The following ASPSCR1 variants were observed in gnomAD, a reference collection of about 807,000 sequenced individuals.
The protein encoded by ASPSCR1 is ASPSCR1 tether for SLC2A4, UBX domain containing.
ASPSCR1 carries 55 observed loss-of-function variants against 68.9 expected under a neutral mutation model. The observed-to-expected ratio is 0.80, with a 90% CI of 0.64 to 1.00. The LOEUF (loss-of-function observed/expected upper bound fraction) is 1.00. ASPSCR1 is among the 50% of genes least tolerant of loss of function. The pLI is 0.00. For missense variants in ASPSCR1, 765 were observed against 762.2 expected (o/e 1.00, Z -0.04); for synonymous variants, 352 against 332.6 (o/e 1.06, Z -0.63).
chr17:81,992,503 T>C (rs534468192), intron 4 of ASPSCR1, among the ~76,000 whole-genome samples: 104 of 152,284 alleles, frequency 6.8e-4, no homozygotes, highest in African/African-American at 2.4e-3. Context: ...GGAAGGACTG[T>C]GAGTTGGGAC....
chr17:82,012,408 G>C, intron 12 of ASPSCR1, 125 bp downstream of exon 12: 1 of 1,180,242 alleles, frequency 8.5e-7, no homozygotes, highest in Non-Finnish European at 1.2e-6. Flanking sequence ...TAAAGCCTTT[G>C]AGAGCCGGTG....
At chr17:82,010,745 C>G in intron 9 of ASPSCR1, 57 bp from the exon 10 acceptor site, 1 of 1,569,076 alleles carries the variant, frequency 6.4e-7, no homozygotes, top group Non-Finnish European at 8.8e-7. Context: ...GAGGCCACGC[C>G]CTGGTCCCTG....
At chr17:81,979,000 A>G (rs1193924453) in intron 1 of ASPSCR1, among the ~76,000 whole-genome samples, 184 bp from the exon 2 acceptor site, 1 of 152,180 alleles carries the variant, frequency 6.6e-6, no homozygotes, top group African/African-American at 2.4e-5. Flanking sequence ...GAGAGTGGAC[A>G]GGATTTGCAG....
intron 7 of ASPSCR1, among the ~76,000 whole-genome samples, chr17:81,998,297 G>A (rs556568500): frequency 6.6e-6 from 1 of 152,228 alleles, no homozygotes; most frequent in Admixed American, 6.5e-5. Flanking sequence ...TAATATTGTG[G>A]ATAGTATCAT....
At position 81,979,194 on chromosome 17, in the gene ASPSCR1, A is replaced by T; in HGVS notation, c.113A>T (p.Asp38Val). The change falls in exon 2 of 16, where the codon GAC becomes GTC. Residue 38 changes from aspartate (D) to valine (V), a missense_variant. Coordinates refer to ENST00000306739, the MANE Select transcript of ASPSCR1 (RefSeq NM_024083.4). Reference protein sequence around the residue: ...PSTVLLQVLEDTCRRQDFNPC... With the variant: ...PSTVLLQVLEVTCRRQDFNPC... ...TCATCTCACCCCCAGGTTCTGGAGGACACGTGCCGGCGGCAGGACTTCAAC... is the reference window on the plus strand; with the variant it reads ...TCATCTCACCCCCAGGTTCTGGAGGTCACGTGCCGGCGGCAGGACTTCAAC... The T allele has an allele frequency of 1.2e-6, 2 of 1,614,086 alleles. No individual in the cohort carries two copies. Among genetic ancestry groups the T allele is most frequent in the Non-Finnish European group, 1.7e-6 (2 of 1,179,996 alleles).
chr17:81,982,055 G>A (rs1206746514), intron 2 of ASPSCR1, among the ~76,000 whole-genome samples: 5 of 152,056 alleles, frequency 3.3e-5, no homozygotes, highest in African/African-American at 4.8e-5. Flanking sequence ...TGCAACCTCC[G>A]CCTCCCGGGT....
intron 2 of ASPSCR1, among the ~76,000 whole-genome samples, chr17:81,981,855 G>A (rs1306423946): frequency 3.9e-5 from 6 of 152,146 alleles, no homozygotes; most frequent in African/African-American, 9.7e-5. Flanking sequence ...TAGTAGTGAC[G>A]GGGTTTCACC....
rs553901862 is a variant in ASPSCR1, at chr17:81,990,134, T to A, written c.374+4527T>A. ...AGAAATAAAAACAGGTGTCATTAATTTTAGTAATACGTGTAGTTAACTCAG... is the reference window on the plus strand; with the variant it reads ...AGAAATAAAAACAGGTGTCATTAATATTAGTAATACGTGTAGTTAACTCAG... On this transcript the variant is annotated intron_variant, in intron 4 of 15. Coordinates refer to ENST00000306739, the MANE Select transcript of ASPSCR1 (RefSeq NM_024083.4). This position sits in a 1 kb window ranked among gnomAD's most constrained non-coding sequence, Gnocchi z 4.1. Among the ~76,000 whole-genome samples the A allele has an allele frequency of 1.3e-5, 2 of 152,326 alleles. No individual in the cohort carries two copies. The highest frequency in any genetic ancestry group is 3.9e-4 in the East Asian group (2 of 5,182).
chr17:82,010,908 G>A (rs1433390372), intron 10 of ASPSCR1, 40 bp downstream of exon 10: 2 of 1,594,490 alleles, frequency 1.3e-6, no homozygotes, highest in South Asian at 2.2e-5. Context: ...GGGGGGCAGG[G>A]GCCCATGGGG....
intron 12 of ASPSCR1, 74 bp downstream of exon 12, chr17:82,012,357 G>T: frequency 6.6e-7 from 1 of 1,518,048 alleles, no homozygotes. Context: ...GTGAGGCCTC[G>T]GGCAGGAAGG....
intron 12 of ASPSCR1, chr17:82,015,043 G>C (rs746037363): frequency 6.4e-7 from 1 of 1,574,128 alleles, no homozygotes; most frequent in Non-Finnish European, 8.6e-7. Flanking sequence ...GCTCTGGCTG[G>C]GGGGACGGTG....
chr17:81,984,827 AC>A (rs142417799), intron 3 of ASPSCR1, among the ~76,000 whole-genome samples: 2,849 of 89,160 alleles, frequency 0.032, 40 homozygotes, highest in East Asian at 0.052. Flanking sequence ...ACCCGTACAC[AC>A]CCCCACACAC....
In ASPSCR1 at chr17:81,999,882, G is replaced by C. The variant is rs1164339430; in HGVS notation, c.933+3036G>C. ...GATGTGGGGGCTCCCATCTAGCCCG[G>C]CGTCAGGGTCCAGCCCCTCTGTTTT... On this transcript the variant is annotated intron_variant, in intron 7 of 15. Transcript: ENST00000306739. The surrounding 1 kb of genome is among the most constrained non-coding windows in gnomAD (Gnocchi z 4.4). 2.0e-5 allele frequency among the ~76,000 whole-genome samples: 3 copies of C among 152,224 alleles called. No homozygotes were observed. Among genetic ancestry groups the C allele is most frequent in the Non-Finnish European group, 4.4e-5 (3 of 68,030 alleles).
At chr17:81,989,983 G>A (rs2144024470) in intron 4 of ASPSCR1, among the ~76,000 whole-genome samples, 1 of 152,210 alleles carries the variant, frequency 6.6e-6, no homozygotes, top group South Asian at 2.1e-4. Flanking sequence ...TAGAGACAGG[G>A]TTTCACCATG....
chr17:81,995,245 G>A (rs2042298339), intron 5 of ASPSCR1: 1 of 410,344 alleles, frequency 2.4e-6, no homozygotes, highest in Non-Finnish European at 4.3e-6. Flanking sequence ...GCCTCACAGG[G>A]GCCTTTTGTT....
At chr17:82,014,703 G>A (rs115539223) in intron 12 of ASPSCR1, 5 of 272,042 alleles carry the variant, frequency 1.8e-5, no homozygotes, top group Admixed American at 1.5e-4. Flanking sequence ...GCGGCCAGGC[G>A]CTGGGCCACG....
At position 81,977,689 on chromosome 17, in the gene ASPSCR1, C is replaced by T. The variant is rs1200112838; in HGVS notation, c.43C>T (p.Leu15=). 6 of 1,381,072 alleles carry T rather than the reference C, an allele frequency of 4.3e-6. No homozygotes were observed. The highest frequency in any genetic ancestry group is 4.7e-6 in the Non-Finnish European group (5 of 1,060,944). The allele number at this position is 1,381,072 out of a possible 1,614,324, so 85.6% of individuals were successfully genotyped here. A position where few individuals can be genotyped will look rare whatever the true frequency, so the allele number is the denominator to read the frequency against. The change falls in exon 1 of 16, where the codon CTG becomes TTG. Residue 15 remains leucine, a synonymous_variant. Coordinates refer to ENST00000306739, the MANE Select transcript of ASPSCR1 (RefSeq NM_024083.4). The surrounding 1 kb of genome is among the most constrained non-coding windows in gnomAD (Gnocchi z 5.0). ...AGGGGSAVSV[L]APNGRRHTVK... ...CGGCGGAGGCTCCGCGGTGTCGGTG[C>T]TGGCCCCGAACGGCCGGCGCCACAC...
intron 2 of ASPSCR1, among the ~76,000 whole-genome samples, chr17:81,979,575 G>C (rs2041727527): frequency 6.6e-6 from 1 of 152,170 alleles, no homozygotes; most frequent in South Asian, 2.1e-4. Context: ...GGATAATCTA[G>C]AACGATTTAT....
At chr17:81,984,378 G>T (rs1005962351) in intron 3 of ASPSCR1, among the ~76,000 whole-genome samples, 2 of 151,976 alleles carry the variant, frequency 1.3e-5, no homozygotes, top group African/African-American at 4.8e-5. Context: ...AGGAGTTTGG[G>T]ACCAGCCGGC....
Sources: allele counts gnomAD v4.1 joint callset (sites outside exome capture counted in the v4.1 genomes callset), GRCh38; gene constraint gnomAD v4.1.1; non-coding constraint Gnocchi (gnomAD v3.1); transcripts MANE v1.5; gene names NCBI Gene and HGNC (gene_info 2026-07-23, HGNC 2026-07-21).